PPFIA1: variants seen among roughly 807,000 people sequenced by gnomAD.
PPFIA1 encodes PPFI scaffold protein A1.
Under a neutral mutation model 149.9 loss-of-function variants are expected in PPFIA1, and 25 were observed. The observed-to-expected ratio is 0.17, with a 90% CI of 0.12 to 0.23. The LOEUF is 0.23. PPFIA1 is among the 10% of genes least tolerant of loss of function. The pLI, the probability that PPFIA1 is intolerant of heterozygous loss-of-function variation, is 1.00. For missense variants in PPFIA1, 1,362 were observed against 1,506.5 expected (o/e 0.90, Z 1.59); for synonymous variants, 549 against 552.8 (o/e 0.99, Z 0.10).
intron 19 of PPFIA1, among the ~76,000 whole-genome samples, chr11:70,359,705 T>G (rs1037464686): frequency 6.6e-6 from 1 of 152,230 alleles, no homozygotes; most frequent in Non-Finnish European, 1.5e-5. Context: ...AAAGACAACT[T>G]TACCGTTATG....
chr11:70,295,428 G>T, intron 2 of PPFIA1, among the ~76,000 whole-genome samples: 1 of 144,370 alleles, frequency 6.9e-6, no homozygotes, highest in South Asian at 2.2e-4. Context: ...CCGGGCACAG[G>T]GGCTCCTCAC....
chr11:70,361,995 A>C, intron 19 of PPFIA1, 100 bp from the exon 20 acceptor site: 1 of 1,063,818 alleles, frequency 9.4e-7, no homozygotes, highest in Non-Finnish European at 1.4e-6. Context: ...TCCTGGGCTC[A>C]AGTGGTCCTC....
intron 19 of PPFIA1, among the ~76,000 whole-genome samples, chr11:70,356,810 TTC>T (rs1307219683): frequency 6.6e-6 from 1 of 152,254 alleles, no homozygotes; most frequent in Non-Finnish European, 1.5e-5. Flanking sequence ...TGCTGCATTT[TTC>T]TCTCTTCCGT....
At chr11:70,296,011 G>A (rs1252043005) in intron 2 of PPFIA1, among the ~76,000 whole-genome samples, 9 of 151,146 alleles carry the variant, frequency 6.0e-5, no homozygotes, top group African/African-American at 1.7e-4. Flanking sequence ...ACGGGGTCGC[G>A]ACCGGGCAGA....
At chr11:70,314,076 C>T (rs1306472318) in intron 2 of PPFIA1, among the ~76,000 whole-genome samples, 2 of 152,196 alleles carry the variant, frequency 1.3e-5, no homozygotes, top group African/African-American at 2.4e-5. Context: ...ATTGAAGCCA[C>T]GGACACCGGC....
rs575072583 is a variant in PPFIA1 at position 70,289,814 on chromosome 11, C to T, written c.264+17378C>T. Reference sequence around the variant, plus strand: ...TTTTCAAACCAGGTGTGGTGGCACACACCTGCAGTCCAAGCTACTTGAGAG... The same window carrying T: ...TTTTCAAACCAGGTGTGGTGGCACATACCTGCAGTCCAAGCTACTTGAGAG... On this transcript the variant is annotated intron_variant, in intron 2 of 27. Transcript: ENST00000253925. Among the ~76,000 whole-genome samples, 3 of 152,360 alleles carry T rather than the reference C, an allele frequency of 2.0e-5. No individual in the cohort carries two copies. In the South Asian group the frequency reaches 6.2e-4, roughly 32 times the overall value.
chr11:70,378,217 C>T (rs780811354), intron 26 of PPFIA1, 22 bp downstream of exon 26: 1 of 1,602,680 alleles, frequency 6.2e-7, no homozygotes, highest in South Asian at 1.1e-5. Context: ...GTCACACTAA[C>T]CTGTCACTTG....
At chr11:70,357,632 G>C (rs1280352066) in intron 19 of PPFIA1, among the ~76,000 whole-genome samples, 1 of 147,788 alleles carries the variant, frequency 6.8e-6, no homozygotes, top group Non-Finnish European at 1.5e-5. Context: ...TGTCACCCAC[G>C]CTGGAGTGCA....
chr11:70,340,804 G>C (rs1462298990), intron 14 of PPFIA1, among the ~76,000 whole-genome samples: 1 of 150,738 alleles, frequency 6.6e-6, no homozygotes, highest in African/African-American at 2.5e-5. Context: ...CAGCTCCTGT[G>C]AGCACAGGAG....
chr11:70,333,719 A>T (rs575907194), intron 10 of PPFIA1, among the ~76,000 whole-genome samples, 166 bp downstream of exon 10: 1 of 152,174 alleles, frequency 6.6e-6, no homozygotes, highest in African/African-American at 2.4e-5. Flanking sequence ...TCGCCTGCTA[A>T]TGCGTACATC....
At chr11:70,354,224 A>C in intron 16 of PPFIA1, 77 bp from the exon 17 acceptor site, 1 of 1,428,390 alleles carries the variant, frequency 7.0e-7, no homozygotes, top group Non-Finnish European at 9.5e-7. Flanking sequence ...TTTTCAAAGA[A>C]GTTTATGGCT....
At chr11:70,360,616 A>G (rs1591338626) in intron 19 of PPFIA1, among the ~76,000 whole-genome samples, 1 of 152,278 alleles carries the variant, frequency 6.6e-6, no homozygotes, top group African/African-American at 2.4e-5. Flanking sequence ...ATTTGTCCCA[A>G]GGGAACGGAA....
In PPFIA1 at chr11:70,276,789, C is replaced by G. The variant is rs530240460; in HGVS notation, c.264+4353C>G. Among the ~76,000 whole-genome samples the G allele has an allele frequency of 8.6e-5, 13 of 152,010 alleles. No individual in the cohort carries two copies. The East Asian group carries it at 2.5e-3, about 29-fold the overall frequency. On this transcript the variant is annotated intron_variant, in intron 2 of 27. Transcript: ENST00000253925. The stretch of plus-strand genomic sequence containing the variant: ...GATTTGTTCAGGCCACCCAGACTTT[C>G]CAATTTGTAAGTTTAAAGTGGTTTG...
rs567864103 is a variant in PPFIA1 at position 70,320,920 on chromosome 11, CAG to C, written c.265-3480_265-3479del. Among the ~76,000 whole-genome samples, 12 of 152,328 alleles carry C rather than the reference CAG, an allele frequency of 7.9e-5. No homozygotes were observed. The South Asian group carries it at 2.5e-3, about 32-fold the overall frequency. ...CACTGTTGGTGACATAACCACGCAA[CAG>C]AATCCTGCATCACCATGGAAAACCT... On this transcript the variant is annotated intron_variant, in intron 2 of 27. Transcript: ENST00000253925.
intron 8 of PPFIA1, among the ~76,000 whole-genome samples, chr11:70,330,643 T>TG (rs1278876873): frequency 1.3e-5 from 2 of 152,228 alleles, no homozygotes; most frequent in Non-Finnish European, 2.9e-5. Flanking sequence ...GGGAGCACTA[T>TG]GATACATGAA....
chr11:70,286,269 TGA>T (rs2051115064), intron 2 of PPFIA1, among the ~76,000 whole-genome samples: 1 of 152,198 alleles, frequency 6.6e-6, no homozygotes, highest in Non-Finnish European at 1.5e-5. Context: ...TCTTTTCTTT[TGA>T]GATGGAGTCT....
chr11:70,343,343 C>G (rs1377245815), intron 14 of PPFIA1, among the ~76,000 whole-genome samples: 6 of 152,198 alleles, frequency 3.9e-5, no homozygotes, highest in African/African-American at 1.4e-4. Context: ...ATTGATCAGC[C>G]TCTCTTCATC....
At chr11:70,329,031 T>G (rs2054490867) in intron 7 of PPFIA1, among the ~76,000 whole-genome samples, 1 of 152,204 alleles carries the variant, frequency 6.6e-6, no homozygotes, top group Admixed American at 6.5e-5. Context: ...TCCAATTAAA[T>G]TAAACTGGTA....
At position 70,289,883 on chromosome 11, in the gene PPFIA1, C is replaced by T. The variant is rs144163402; in HGVS notation, c.264+17447C>T. Among the ~76,000 whole-genome samples, 729 of 152,240 alleles carry T rather than the reference C, an allele frequency of 4.8e-3. 3 individuals carry two copies. The highest frequency in any genetic ancestry group is 0.014 in the Middle Eastern group (4 of 294). Reference sequence around the variant, plus strand: ...CTTGAGACCAGGAGTTGGAGGCCAGCCTGGTTAACATAGCAAGACCCTGTC... The same window carrying T: ...CTTGAGACCAGGAGTTGGAGGCCAGTCTGGTTAACATAGCAAGACCCTGTC... On this transcript the variant is annotated intron_variant, in intron 2 of 27. Coordinates refer to ENST00000253925, the MANE Select transcript of PPFIA1 (RefSeq NM_003626.5).
Sources: allele counts gnomAD v4.1 joint callset (sites outside exome capture counted in the v4.1 genomes callset), GRCh38; gene constraint gnomAD v4.1.1; transcripts MANE v1.5; gene names NCBI Gene and HGNC (gene_info 2026-07-23, HGNC 2026-07-21).